Variants in ABCC4 observed in about 807,000 individuals in gnomAD.
The protein encoded by ABCC4 is ATP binding cassette subfamily C member 4 (PEL blood group).
In ABCC4, 102 loss-of-function variants were observed where a neutral mutation model predicts 168.5. That is an observed-to-expected ratio of 0.61 (90% CI 0.52 to 0.71). The LOEUF is 0.71. ABCC4 is among the 30% of genes least tolerant of loss of function. The probability of loss-of-function intolerance (pLI) is 0.00; values close to 1 mark genes in which losing one functional copy is unlikely to be tolerated. For missense variants in ABCC4, 1,402 were observed against 1,605.8 expected, an observed-to-expected ratio of 0.87 and a Z score of 2.17; for synonymous variants, 617 against 590.7, an observed-to-expected ratio of 1.04 and a Z score of -0.65.
chr13:95,125,314 T>C (rs2035719084), intron 19 of ABCC4, among the ~76,000 whole-genome samples: 1 of 152,192 alleles, frequency 6.6e-6, no homozygotes, highest in Non-Finnish European at 1.5e-5. Flanking sequence ...CTGACACAAA[T>C]GACGATGGCC....
intron 1 of ABCC4, among the ~76,000 whole-genome samples, chr13:95,254,416 C>G (rs549504550): frequency 1.3e-5 from 2 of 152,250 alleles, no homozygotes; most frequent in East Asian, 3.9e-4. Flanking sequence ...TACAATACCC[C>G]TGACTCATAA....
At chr13:95,041,508 T>C (rs1420062952) in intron 29 of ABCC4, among the ~76,000 whole-genome samples, 1 of 152,188 alleles carries the variant, frequency 6.6e-6, no homozygotes, top group African/African-American at 2.4e-5. Flanking sequence ...GACAATAGTG[T>C]TGGTTATGTC....
chr13:95,272,238 G>A lies in ABCC4; in HGVS notation c.75-24485C>T, dbSNP rs141411062. 8.4e-4 allele frequency among the ~76,000 whole-genome samples: 127 copies of A among 152,000 alleles called. 1 individual carries two copies. The highest frequency in any genetic ancestry group is 2.6e-3 in the African/African-American group (108 of 41,428). On this transcript the variant is annotated intron_variant, in intron 1 of 30. Transcript: ENST00000645237. ...TTTTTGTATTTTTACTAGAGATAGC[G>A]TTTCACCACGTTGGCCAGGCTGGTC...
chr13:95,128,088 C>G (rs1431678146), intron 19 of ABCC4, among the ~76,000 whole-genome samples: 1 of 152,236 alleles, frequency 6.6e-6, no homozygotes, highest in Non-Finnish European at 1.5e-5. Context: ...TTGGTAGTAG[C>G]AGGGAGTCCT....
At chr13:95,170,340 G>A (rs2037424521) in intron 14 of ABCC4, 192 bp downstream of exon 14, 1 of 458,706 alleles carries the variant, frequency 2.2e-6, no homozygotes, top group Non-Finnish European at 3.9e-6. Context: ...TAACCTTGAG[G>A]TAGCAATTTT....
intron 4 of ABCC4, among the ~76,000 whole-genome samples, chr13:95,211,928 C>G (rs1438177386): frequency 6.6e-6 from 1 of 151,956 alleles, no homozygotes; most frequent in Non-Finnish European, 1.5e-5. Flanking sequence ...ACCTGTAATC[C>G]CAGCACTTAG....
At chr13:95,283,795 G>A (rs1449277659) in intron 1 of ABCC4, among the ~76,000 whole-genome samples, 1 of 151,832 alleles carries the variant, frequency 6.6e-6, no homozygotes, top group Non-Finnish European at 1.5e-5. Context: ...CTACTAGGGA[G>A]GCTGAGGCAG....
intron 25 of ABCC4, among the ~76,000 whole-genome samples, chr13:95,065,998 CT>C (rs1177393444): frequency 6.6e-6 from 1 of 152,168 alleles, no homozygotes; most frequent in Non-Finnish European, 1.5e-5. Flanking sequence ...ACTGGGAAAC[CT>C]CCTCTACAAA....
intron 20 of ABCC4, among the ~76,000 whole-genome samples, chr13:95,092,346 A>G (rs2139352838): frequency 6.6e-6 from 1 of 152,310 alleles, no homozygotes; most frequent in East Asian, 1.9e-4. Flanking sequence ...TCATCCAACA[A>G]CTGCAGAATA....
intron 26 of ABCC4, among the ~76,000 whole-genome samples, chr13:95,059,683 A>G (rs2033213274): frequency 6.6e-6 from 1 of 152,110 alleles, no homozygotes; most frequent in Non-Finnish European, 1.5e-5. Flanking sequence ...AAATTTACAT[A>G]AACAATTTGG....
At chr13:95,240,330 G>A (rs1397676026) in intron 3 of ABCC4, among the ~76,000 whole-genome samples, 3 of 152,280 alleles carry the variant, frequency 2.0e-5, no homozygotes, top group Non-Finnish European at 2.9e-5. Context: ...TCAGGAGTTC[G>A]AGACCAGCCT....
chr13:95,292,702 G>A (rs1244235765), intron 1 of ABCC4, among the ~76,000 whole-genome samples: 1 of 152,182 alleles, frequency 6.6e-6, no homozygotes, highest in Non-Finnish European at 1.5e-5. Flanking sequence ...TTCCTGTACT[G>A]AGTGTGGGCT....
chr13:95,169,149 G>A (rs983672792), intron 14 of ABCC4, among the ~76,000 whole-genome samples: 6 of 152,150 alleles, frequency 3.9e-5, no homozygotes, highest in South Asian at 2.1e-4. Flanking sequence ...CCTTCAGAGA[G>A]CGCGGCCCTG....
At chr13:95,273,827 T>C in intron 1 of ABCC4, among the ~76,000 whole-genome samples, 1 of 150,418 alleles carries the variant, frequency 6.6e-6, no homozygotes, top group African/African-American at 2.4e-5. Flanking sequence ...TTTTTTTTTT[T>C]TTTTTTTTGA....
intron 20 of ABCC4, among the ~76,000 whole-genome samples, chr13:95,105,901 G>A (rs1370739699): frequency 6.6e-6 from 1 of 152,152 alleles, no homozygotes; most frequent in African/African-American, 2.4e-5. Flanking sequence ...CTCTGAAAAC[G>A]ACCCTTTTCA....
At chr13:95,220,055 G>A (rs1594324307) in intron 4 of ABCC4, among the ~76,000 whole-genome samples, 1 of 151,206 alleles carries the variant, frequency 6.6e-6, no homozygotes, top group Admixed American at 6.6e-5. Context: ...TAGTAGAGAC[G>A]GGGTTTCACC....
rs562092536 is a variant in ABCC4 at position 95,254,144 on chromosome 13, C to G, written c.75-6391G>C. Among the ~76,000 whole-genome samples the G allele has an allele frequency of 1.6e-4, 24 of 152,316 alleles. 1 individual carries two copies. In the South Asian group the frequency reaches 4.8e-3, roughly 30 times the overall value. On this transcript the variant is annotated intron_variant, in intron 1 of 30. Transcript: ENST00000645237. ...AACTCCTGGCCTCAAGTAATCCCCC[C>G]ACCTTGGCCTCCCAAAGTGTTGGGA...
Position 95,081,627 on chromosome 13 carries a change from T to G in ABCC4, c.2686+1513A>C, listed in dbSNP as rs946707717. ...ATGGTAGCTTAGCTGGTTTTCTTGATGACTGAAAAGTTTTTCTACAACTTT... is the reference window on the plus strand; with the variant it reads ...ATGGTAGCTTAGCTGGTTTTCTTGAGGACTGAAAAGTTTTTCTACAACTTT... On this transcript the variant is annotated intron_variant, in intron 21 of 30. Transcript: ENST00000645237. Among the ~76,000 whole-genome samples the G allele has an allele frequency of 3.3e-5, 5 of 152,242 alleles. No individual in the cohort carries two copies. In the South Asian group the frequency reaches 6.2e-4, roughly 19 times the overall value.
chr13:95,069,984 A>T (rs2033672515), intron 25 of ABCC4, among the ~76,000 whole-genome samples: 1 of 152,132 alleles, frequency 6.6e-6, no homozygotes, highest in Non-Finnish European at 1.5e-5. Context: ...TCATGCCTGT[A>T]ATCCCAGGCA....
Sources: gnomAD v4.1 joint callset for allele counts (sites outside exome capture counted in the v4.1 genomes callset) on GRCh38, gnomAD v4.1.1 for gene constraint, MANE v1.5 for transcripts, NCBI Gene and HGNC (gene_info 2026-07-23, HGNC 2026-07-21) for gene names.